Variants in LTBP2 observed in about 807,000 individuals in gnomAD.
LTBP2 encodes the protein latent transforming growth factor beta binding protein 2.
In LTBP2, 103 loss-of-function variants were observed where a neutral mutation model predicts 210.6. That is an observed-to-expected ratio of 0.49 (90% confidence interval 0.42 to 0.58). LTBP2 has a LOEUF of 0.58. Among genes scored for constraint, LTBP2 ranks in the 20% least tolerant of loss-of-function variants. The pLI is 0.00. For missense variants in LTBP2, 2,313 were observed against 2,494.5 expected (o/e 0.93, Z 1.55); for synonymous variants, 1,007 against 1,015.0 (o/e 0.99, Z 0.15).
At chr14:74,608,972 T>C (rs1381839942) in intron 1 of LTBP2, among the ~76,000 whole-genome samples, 2 of 152,220 alleles carry the variant, frequency 1.3e-5, no homozygotes, top group Admixed American at 6.5e-5. Flanking sequence ...AGATCCAGTA[T>C]AGGGCCTGGG....
intron 2 of LTBP2, among the ~76,000 whole-genome samples, chr14:74,590,932 C>G (rs1030324133): frequency 6.6e-6 from 1 of 152,132 alleles, no homozygotes; most frequent in Non-Finnish European, 1.5e-5. Flanking sequence ...AAATCTTAGA[C>G]TTCACCACTA....
At chr14:74,541,525 A>C (rs568516190) in intron 8 of LTBP2, among the ~76,000 whole-genome samples, 1 of 152,338 alleles carries the variant, frequency 6.6e-6, no homozygotes, top group African/African-American at 2.4e-5. Context: ...AACAAACCCA[A>C]GGTCACCCCG....
intron 3 of LTBP2, among the ~76,000 whole-genome samples, chr14:74,577,555 C>A (rs2088075770): frequency 6.8e-6 from 1 of 147,652 alleles, no homozygotes. Flanking sequence ...GTTGCCCAGG[C>A]TGGAGTACAG....
At chr14:74,548,590 T>A (rs2087607764) in intron 8 of LTBP2, among the ~76,000 whole-genome samples, 1 of 152,176 alleles carries the variant, frequency 6.6e-6, no homozygotes, top group African/African-American at 2.4e-5. Context: ...AGAAGAAAAG[T>A]GGCAAAAACA....
intron 4 of LTBP2, among the ~76,000 whole-genome samples, chr14:74,554,709 T>C (rs1264063406): frequency 6.6e-6 from 1 of 152,116 alleles, no homozygotes; most frequent in African/African-American, 2.4e-5. Flanking sequence ...TTTGGAGTGA[T>C]AAAAATGTTG....
chr14:74,526,044 T>C (rs1417293718), intron 14 of LTBP2, 31 bp downstream of exon 14: 1 of 1,588,772 alleles, frequency 6.3e-7, no homozygotes. Flanking sequence ...CCTTCTCTTT[T>C]GCCTAGGAGC....
intron 2 of LTBP2, among the ~76,000 whole-genome samples, chr14:74,587,749 T>C (rs2088228174): frequency 6.6e-6 from 1 of 152,130 alleles, no homozygotes; most frequent in South Asian, 2.1e-4. Context: ...TCCTGGGTTT[T>C]GTGAGCTGAA....
At chr14:74,572,526 G>A (rs191881417) in intron 3 of LTBP2, among the ~76,000 whole-genome samples, 6 of 150,768 alleles carry the variant, frequency 4.0e-5, no homozygotes, top group South Asian at 2.1e-4. Flanking sequence ...TTTTCTGACC[G>A]TGGCAAATTA....
intron 3 of LTBP2, among the ~76,000 whole-genome samples, chr14:74,560,779 T>C (rs2087783895): frequency 1.3e-5 from 2 of 152,132 alleles, no homozygotes; most frequent in Admixed American, 6.5e-5. Flanking sequence ...ATAATACAAA[T>C]AAAAATTATA....
Position 74,612,091 on chromosome 14 carries a change from C to A in LTBP2, c.-147G>T. 1 of 839,366 alleles carries A rather than the reference C, an allele frequency of 1.2e-6. No individual in the cohort carries two copies. Among genetic ancestry groups the A allele is most frequent in the South Asian group, 2.2e-5 (1 of 45,154 alleles). The allele number at this position is 839,366 out of a possible 1,614,324, so 52.0% of individuals were successfully genotyped here. On this transcript the variant is annotated 5_prime_UTR_variant, in exon 1 of 36. Coordinates refer to ENST00000261978, the MANE Select transcript of LTBP2 (RefSeq NM_000428.3). ...GGGCCCTGAAGCGGCCGACTGGGGG[C>A]CCGGCTCTCGGCGGAACGAGGGCTG...
At chr14:74,552,502 C>T (rs1484733451) in intron 5 of LTBP2, 109 bp from the exon 6 acceptor site, 10 of 995,356 alleles carry the variant, frequency 1.0e-5, no homozygotes, top group Non-Finnish European at 1.5e-5. Flanking sequence ...CCCTAGATGG[C>T]TCCTGTAGCC....
At chr14:74,589,111 CA>C (rs1234447378) in intron 2 of LTBP2, among the ~76,000 whole-genome samples, 1 of 152,330 alleles carries the variant, frequency 6.6e-6, no homozygotes, top group East Asian at 1.9e-4. Context: ...CACACCCTTC[CA>C]AAGCCCACAC....
chr14:74,605,575 G>A (rs548761470), intron 1 of LTBP2, among the ~76,000 whole-genome samples: 58 of 152,328 alleles, frequency 3.8e-4, no homozygotes, highest in African/African-American at 1.4e-3. Flanking sequence ...AAGACCTCTC[G>A]TGGGGCTAGG....
chr14:74,542,304 CT>C (rs2087518294), intron 8 of LTBP2, among the ~76,000 whole-genome samples: 1 of 152,240 alleles, frequency 6.6e-6, no homozygotes. Context: ...CAGCCTGCCC[CT>C]GCCCTGCTAA....
chr14:74,611,426 C>T lies in LTBP2; in HGVS notation c.494+25G>A, dbSNP rs755729057. The T allele has an allele frequency of 3.4e-6, 5 of 1,471,178 alleles. No homozygotes were observed. In the East Asian group the frequency reaches 1.3e-4, roughly 38 times the overall value. 91.1% of individuals were successfully genotyped at this position (1,471,178 alleles called of 1,614,324 possible). A position where few individuals can be genotyped will look rare whatever the true frequency, so the allele number is the denominator to read the frequency against. On this transcript the variant is annotated intron_variant, in intron 1 of 35. Coordinates refer to ENST00000261978, the MANE Select transcript of LTBP2 (RefSeq NM_000428.3). ...GAGCCCTGGCTCCCCTCTGTACCCTCCAAACTTCCCTCTCCCATGCTCACC... is the reference window on the plus strand; with the variant it reads ...GAGCCCTGGCTCCCCTCTGTACCCTTCAAACTTCCCTCTCCCATGCTCACC...
chr14:74,601,523 G>A (rs1338957935), intron 2 of LTBP2, among the ~76,000 whole-genome samples: 1 of 152,204 alleles, frequency 6.6e-6, no homozygotes, highest in Non-Finnish European at 1.5e-5. Flanking sequence ...GGGTGTTTAA[G>A]CAGATCTGCT....
At chr14:74,516,348 A>ATCCCTCCCTCACTCCC (rs2087134578) in intron 18 of LTBP2, among the ~76,000 whole-genome samples, 1 of 108,526 alleles carries the variant, frequency 9.2e-6, no homozygotes, top group East Asian at 3.0e-4. Flanking sequence ...AGGATCTGGA[A>ATCCCTCCCTCACTCCC]TCCCTCCCTC....
In LTBP2 at chr14:74,505,183, G is replaced by A; in HGVS notation, c.4178-9C>T. ...CTCAGACATACTCTGACCTGTGCGT[G>A]ACAGATGCTCATTACTGTCTGTTCA... On this transcript the variant is annotated splice_polypyrimidine_tract_variant and intron_variant, in intron 28 of 35. Coordinates refer to ENST00000261978, the MANE Select transcript of LTBP2 (RefSeq NM_000428.3). 1 of 1,611,796 alleles carries A rather than the reference G, an allele frequency of 6.2e-7. No homozygotes were observed. The highest frequency in any genetic ancestry group is 8.5e-7 in the Non-Finnish European group (1 of 1,179,968).
chr14:74,555,248 G>C (rs983167422), intron 4 of LTBP2, among the ~76,000 whole-genome samples: 1 of 152,106 alleles, frequency 6.6e-6, no homozygotes, highest in South Asian at 2.1e-4. Flanking sequence ...AAAGGCAGGA[G>C]GGGATGATAG....
Sources: allele counts gnomAD v4.1 joint callset (sites outside exome capture counted in the v4.1 genomes callset), GRCh38; gene constraint gnomAD v4.1.1; transcripts MANE v1.5; gene names NCBI Gene and HGNC (gene_info 2026-07-23, HGNC 2026-07-21).